The following UNC13C variants were observed in gnomAD, a reference collection of about 807,000 sequenced individuals.
UNC13C encodes unc-13 homolog C, also known as protein unc-13 homolog C.
Under a neutral mutation model 245.4 loss-of-function variants are expected in UNC13C, and 174 were observed. That is an observed-to-expected ratio of 0.71 (90% CI 0.63 to 0.80). The LOEUF (loss-of-function observed/expected upper bound fraction) is 0.80. Among genes scored for constraint, UNC13C ranks in the 30% least tolerant of loss-of-function variants. The pLI is 0.00. For missense variants in UNC13C, 2,829 were observed against 2,602.9 expected (o/e 1.09, Z -1.89); for synonymous variants, 992 against 895.1 (o/e 1.11, Z -1.93).
intron 30 of UNC13C, among the ~76,000 whole-genome samples, chr15:54,582,651 C>A (rs1794531565): frequency 6.6e-6 from 1 of 152,078 alleles, no homozygotes; most frequent in African/African-American, 2.4e-5. Flanking sequence ...GCCTCTCAGT[C>A]TGAGCTCTGC....
chr15:53,858,318 C>CATAA, the UNC13C span, among the ~76,000 whole-genome samples: 1 of 151,770 alleles, frequency 6.6e-6, no homozygotes, highest in Non-Finnish European at 1.5e-5. Flanking sequence ...TTTGGTTTCA[C>CATAA]TTTAGTATTT....
At chr15:54,571,901 A>T (rs1474307421) in intron 30 of UNC13C, among the ~76,000 whole-genome samples, 3 of 152,240 alleles carry the variant, frequency 2.0e-5, no homozygotes, top group African/African-American at 7.2e-5. Context: ...ACAGCACTCC[A>T]GAGTTTCCCT....
chr15:54,527,826 T>C (rs1440055180), intron 25 of UNC13C, among the ~76,000 whole-genome samples: 1 of 152,162 alleles, frequency 6.6e-6, no homozygotes, highest in African/African-American at 2.4e-5. Flanking sequence ...TGTCATGCTT[T>C]CCTAATAAAA....
At chr15:54,463,281 G>GGGGGGGGGGGGGC (rs1221917189) in intron 19 of UNC13C, among the ~76,000 whole-genome samples, 3 of 68,966 alleles carry the variant, frequency 4.3e-5, no homozygotes, top group Admixed American at 2.7e-4. Context: ...GGGGGGGGGG[G>GGGGGGGGGGGGGC]GCCGGTCAGG....
chr15:54,067,033 A>G (rs1898109071), intron 2 of UNC13C, among the ~76,000 whole-genome samples: 1 of 152,100 alleles, frequency 6.6e-6, no homozygotes, highest in South Asian at 2.1e-4. Context: ...ACAGTCTTTT[A>G]GCTTATAGCC....
At chr15:54,356,689 C>A (rs928046632) in intron 17 of UNC13C, among the ~76,000 whole-genome samples, 3 of 152,142 alleles carry the variant, frequency 2.0e-5, no homozygotes, top group African/African-American at 7.2e-5. Flanking sequence ...CAAAAATTCC[C>A]AACTATTAAT....
chr15:54,444,076 C>A (rs892588912), intron 19 of UNC13C, among the ~76,000 whole-genome samples: 1 of 151,858 alleles, frequency 6.6e-6, no homozygotes, highest in Admixed American at 6.6e-5. Context: ...CTGGATACTC[C>A]AGTATGGTTA....
rs188661635 is a variant in UNC13C, at chr15:54,035,885, G to A, written c.2983+19999G>A. 7.2e-5 allele frequency among the ~76,000 whole-genome samples: 11 copies of A among 152,238 alleles called. No homozygotes were observed. The East Asian group carries it at 1.9e-3, about 27-fold the overall frequency. On this transcript the variant is annotated intron_variant, in intron 2 of 32. Transcript: ENST00000260323. ...AGGATGATTTGGATTCTTACGTGCA[G>A]CCGTTGGATGCCAGAAAGATAGAGA...
chr15:54,391,945 C>G (rs2039966885), intron 17 of UNC13C, among the ~76,000 whole-genome samples: 1 of 152,006 alleles, frequency 6.6e-6, no homozygotes, highest in South Asian at 2.1e-4. Flanking sequence ...GGTGGCTGAT[C>G]TGGTCACAGC....
intron 4 of UNC13C, among the ~76,000 whole-genome samples, chr15:54,144,195 A>T (rs978597965): frequency 6.6e-6 from 1 of 152,214 alleles, no homozygotes; most frequent in Non-Finnish European, 1.5e-5. Context: ...TTTCTATGTA[A>T]AAAATTCAAG....
chr15:54,493,851 C>T (rs368948284), intron 19 of UNC13C, among the ~76,000 whole-genome samples: 9 of 152,034 alleles, frequency 5.9e-5, no homozygotes, highest in African/African-American at 1.7e-4. Context: ...ATGTCCAGGT[C>T]ACAATAGCTT....
chr15:54,410,183 A>T (rs12906469), intron 18 of UNC13C, among the ~76,000 whole-genome samples: 82,912 of 151,960 alleles, frequency 0.55, 22,848 homozygotes, highest in East Asian at 0.75. Flanking sequence ...TCTTTTGAGA[A>T]GTCTCTGTTC....
At chr15:54,095,787 G>C (rs1899828472) in intron 2 of UNC13C, among the ~76,000 whole-genome samples, 1 of 152,146 alleles carries the variant, frequency 6.6e-6, no homozygotes, top group African/African-American at 2.4e-5. Flanking sequence ...ACCACTATTA[G>C]GTTCAAGACA....
intron 4 of UNC13C, among the ~76,000 whole-genome samples, chr15:54,209,552 C>CA (rs2034816690): frequency 1.3e-5 from 2 of 151,930 alleles, no homozygotes; most frequent in African/African-American, 4.8e-5. Context: ...AGCTGGACTA[C>CA]AGGCACAGGC....
chr15:54,598,146 G>A (rs1025270231), intron 30 of UNC13C, among the ~76,000 whole-genome samples: 2 of 152,088 alleles, frequency 1.3e-5, no homozygotes, highest in Admixed American at 1.3e-4. Flanking sequence ...TGTCGCCCAC[G>A]CTGGAATACC....
At chr15:54,457,573 G>A (rs910581666) in intron 19 of UNC13C, among the ~76,000 whole-genome samples, 10 of 151,758 alleles carry the variant, frequency 6.6e-5, no homozygotes, top group Admixed American at 2.6e-4. Context: ...GCTCTGTTCC[G>A]AGTTTCTATT....
At chr15:54,620,482 C>G (rs8029339) in intron 30 of UNC13C, among the ~76,000 whole-genome samples, 17,042 of 152,152 alleles carry the variant, frequency 0.11, 1,700 homozygotes, top group African/African-American at 0.26. Flanking sequence ...AGGTGCAGTA[C>G]TTTGGGATCT....
intron 28 of UNC13C, among the ~76,000 whole-genome samples, chr15:54,552,772 CAATATATAATAT>C (rs1896868570): frequency 1.5e-5 from 1 of 68,166 alleles, no homozygotes; most frequent in Non-Finnish European, 2.5e-5. Flanking sequence ...ATATATAGTA[CAATATATAATAT>C]AATATATAAT....
chr15:54,162,977 C>T (rs991379954), intron 4 of UNC13C, among the ~76,000 whole-genome samples: 8 of 152,092 alleles, frequency 5.3e-5, no homozygotes, highest in Middle Eastern at 6.8e-3. Flanking sequence ...AAAGTTGTGC[C>T]GCGTTTTAGG....
Sources: gnomAD v4.1 joint callset for allele counts (sites outside exome capture counted in the v4.1 genomes callset) on GRCh38, gnomAD v4.1.1 for gene constraint, MANE v1.5 for transcripts, NCBI Gene and HGNC (gene_info 2026-07-23, HGNC 2026-07-21) for gene names.